The following AMY2B variants were observed in gnomAD, a reference collection of about 807,000 sequenced individuals.
The protein encoded by AMY2B is alpha-amylase 2B.
Under a neutral mutation model 59.3 loss-of-function variants are expected in AMY2B, and 63 were observed. The observed-to-expected ratio is 1.06, with a 90% CI of 0.87 to 1.31. AMY2B has a LOEUF of 1.31. AMY2B is among the 50% of genes most tolerant of loss of function. The probability of loss-of-function intolerance (pLI) is 0.00; values close to 1 mark genes in which losing one functional copy is unlikely to be tolerated. For synonymous variants in AMY2B, 180 were observed against 198.1 expected, an observed-to-expected ratio of 0.91 and a Z score of 0.77; for missense variants, 635 against 626.7, an observed-to-expected ratio of 1.01 and a Z score of -0.14.
At chr1:103,554,862 T>C (rs1651494882) in exon 1 of AMY2B, 1 of 152,524 alleles carries the variant, frequency 6.6e-6, no homozygotes, top group African/African-American at 2.4e-5. Context: ...GTTAAAAAGA[T>C]TTTGTAAATG....
upstream of AMY2B, chr1:103,571,012 T>C (rs756341373): frequency 2.4e-4 from 89 of 364,106 alleles, no homozygotes; most frequent in Middle Eastern, 2.0e-3. Context: ...GTCTCTGATC[T>C]GTGCAGGGTA....
At chr1:103,556,821 T>A (rs1415886196) in intron 1 of AMY2B, among the ~76,000 whole-genome samples, 1 of 152,126 alleles carries the variant, frequency 6.6e-6, no homozygotes, top group Non-Finnish European at 1.5e-5. Flanking sequence ...AATTATTTTA[T>A]CTTTACTACC....
At chr1:103,577,119 T>C (rs1652386683) in intron 7 of AMY2B, among the ~76,000 whole-genome samples, 1 of 152,050 alleles carries the variant, frequency 6.6e-6, no homozygotes, top group African/African-American at 2.4e-5. Context: ...ACACCAACAG[T>C]CTTAGCTACT....
chr1:103,570,475 C>T, upstream of AMY2B: 1 of 687,730 alleles, frequency 1.5e-6, no homozygotes, highest in South Asian at 1.3e-5. Context: ...CCAGGCATCA[C>T]CGACAGGATG....
At chr1:103,574,536 A>G in intron 5 of AMY2B, 143 bp downstream of exon 5, 1 of 1,498,476 alleles carries the variant, frequency 6.7e-7, no homozygotes, top group Non-Finnish European at 9.0e-7. Flanking sequence ...AGTGCCCTAA[A>G]CTCTAATCAA....
chr1:103,569,347 C>G (rs185158792), upstream of AMY2B: 164 of 164,282 alleles, frequency 1.0e-3, no homozygotes, highest in Non-Finnish European at 1.6e-3. Flanking sequence ...TATATAAATA[C>G]AGTCCTTATG....
chr1:103,579,251 G>T, intron 9 of AMY2B, 60 bp from the exon 10 acceptor site: 1 of 1,611,158 alleles, frequency 6.2e-7, no homozygotes, highest in Non-Finnish European at 8.5e-7. Flanking sequence ...GTTTAGTTGT[G>T]TTAGCCTGTA....
rs1157406278 is a variant in AMY2B, at chr1:103,577,752, G to T, written c.1253G>T (p.Gly418Val). The change falls in exon 9 of 10, where the codon GGC becomes GTC. Residue 418 changes from glycine to valine, a missense_variant. By Grantham distance (109) the Gly-to-Val change is moderately radical. Coordinates refer to ENST00000684275, the MANE Select transcript of AMY2B (RefSeq NM_001387437.1). ...NMVNFRNVVD[G>V]QPFTNWYDNG... ...GTTAATTTCCGCAATGTAGTGGATG[G>T]CCAGCCTTTTACAAACTGGTATGAT... 2 of 1,610,154 alleles carry T rather than the reference G, an allele frequency of 1.2e-6. No homozygotes were observed. The highest frequency in any genetic ancestry group is 2.2e-5 in the East Asian group (1 of 44,872).
At chr1:103,557,858 A>T (rs894631392) in intron 1 of AMY2B, among the ~76,000 whole-genome samples, 3 of 152,188 alleles carry the variant, frequency 2.0e-5, no homozygotes, top group Non-Finnish European at 4.4e-5. Context: ...AGTAAGTCAT[A>T]AAAACATGCA....
intron 1 of AMY2B, among the ~76,000 whole-genome samples, chr1:103,559,125 T>C (rs1307377832): frequency 2.6e-5 from 4 of 152,224 alleles, no homozygotes; most frequent in Non-Finnish European, 4.4e-5. Flanking sequence ...GGAACCACTG[T>C]AGTTAAACAA....
At position 103,573,093 on chromosome 1, in the gene AMY2B, C is replaced by G. The variant is rs746781812; in HGVS notation, c.346C>G (p.His116Asp). 1.3e-5 allele frequency: 21 copies of G among 1,613,620 alleles called. No homozygotes were observed. Among genetic ancestry groups the G allele is most frequent in the Admixed American group, 8.3e-5 (5 of 59,986 alleles). The change falls in exon 3 of 10, where the codon CAT becomes GAT. Residue 116 changes from histidine (H) to aspartate (D), a missense_variant. His to Asp is a moderately conservative substitution (Grantham distance 81). Coordinates refer to ENST00000684275, the MANE Select transcript of AMY2B (RefSeq NM_001387437.1). ...TATTTATGTGGATGCTGTAATTAAT[C>G]ATATGTCTGGTAATGCTGTGAGTGC... ...VRIYVDAVIN[H>D]MSGNAVSAGT...
chr1:103,572,007 A>G, intron 1 of AMY2B, 103 bp from the exon 2 acceptor site: 1 of 1,579,420 alleles, frequency 6.3e-7, no homozygotes, highest in South Asian at 1.2e-5. Flanking sequence ...AGATAGCTGC[A>G]TATACCAAGA....
chr1:103,565,625 A>C (rs1377204195), intron 2 of AMY2B: 2 of 152,110 alleles, frequency 1.3e-5, no homozygotes, highest in East Asian at 3.9e-4. Flanking sequence ...ATGATCTCAG[A>C]GTTCCAAGAG....
chr1:103,578,271 C>T (rs1049192094), intron 9 of AMY2B, among the ~76,000 whole-genome samples: 1 of 152,108 alleles, frequency 6.6e-6, no homozygotes, highest in Non-Finnish European at 1.5e-5. Flanking sequence ...TCAATGACTG[C>T]TCTATGTAGT....
rs530973896 is a variant in AMY2B, at chr1:103,578,834, A to T, written c.1347-477A>T. Among the ~76,000 whole-genome samples the T allele has an allele frequency of 2.8e-3, 411 of 144,346 alleles. 2 individuals are homozygous for T. Among genetic ancestry groups the T allele is most frequent in the Admixed American group, 4.8e-3 (68 of 14,192 alleles). The allele number at this position is 144,346 out of a possible 152,430, so 94.7% of individuals were successfully genotyped here. A position where few individuals can be genotyped will look rare whatever the true frequency, so the allele number is the denominator to read the frequency against. ...TAAAACCCTTTAAAAATTTTTTTTTAAATTATACTTTAAATTTTAGGGTAC... is the reference window on the plus strand; with the variant it reads ...TAAAACCCTTTAAAAATTTTTTTTTTAATTATACTTTAAATTTTAGGGTAC... On this transcript the variant is annotated intron_variant, in intron 9 of 9. Coordinates refer to ENST00000684275, the MANE Select transcript of AMY2B (RefSeq NM_001387437.1).
At chr1:103,564,424 A>G (rs1297668078) in intron 1 of AMY2B, among the ~76,000 whole-genome samples, 1 of 152,106 alleles carries the variant, frequency 6.6e-6, no homozygotes, top group Non-Finnish European at 1.5e-5. Context: ...ACCCGTATCC[A>G]GTTAGTTTGT....
chr1:103,558,548 A>G (rs1192235336), intron 1 of AMY2B, among the ~76,000 whole-genome samples: 2 of 152,168 alleles, frequency 1.3e-5, no homozygotes, highest in African/African-American at 4.8e-5. Context: ...AAAAAGTATT[A>G]AAAGATATTT....
rs12132040 is a variant in AMY2B, at chr1:103,573,690, A to G, written c.514-18A>G. The stretch of plus-strand genomic sequence containing the variant: ...AATGAGGTTTTATGAATCAATCATA[A>G]CATTTTTACCTCAACAGGTCAGAGA... On this transcript the variant is annotated intron_variant, in intron 3 of 9. Transcript: ENST00000684275. 0.18 allele frequency: 295,113 copies of G among 1,612,324 alleles called. 28,646 individuals are homozygous for G. Among genetic ancestry groups the G allele is most frequent in the South Asian group, 0.26 (23,241 of 90,920 alleles).
intron 1 of AMY2B, among the ~76,000 whole-genome samples, chr1:103,556,117 AG>A (rs1651539388): frequency 6.6e-6 from 1 of 152,176 alleles, no homozygotes; most frequent in Non-Finnish European, 1.5e-5. Context: ...GAAGTCATGA[AG>A]GATTAAGGAA....
Sources: gnomAD v4.1 joint callset for allele counts (sites outside exome capture counted in the v4.1 genomes callset) on GRCh38, gnomAD v4.1.1 for gene constraint, MANE v1.5 for transcripts, NCBI Gene and HGNC (gene_info 2026-07-23, HGNC 2026-07-21) for gene names.